The following CAPN2 variants were observed in gnomAD, a reference collection of about 807,000 sequenced individuals.
CAPN2 encodes the protein calpain-2 catalytic subunit.
Under a neutral mutation model 102.3 loss-of-function variants are expected in CAPN2, and 92 were observed. That is an observed-to-expected ratio of 0.90 (90% CI 0.76 to 1.07). The LOEUF is 1.07. Ranked by LOEUF, CAPN2 falls within the 50% of genes least tolerant of loss-of-function variation. The pLI is 0.00. For missense variants in CAPN2, 800 were observed against 909.4 expected (o/e 0.88, Z 1.55); for synonymous variants, 340 against 355.4 (o/e 0.96, Z 0.49).
rs2102809085 is a variant in CAPN2 at position 223,759,151 on chromosome 1, C to T, written c.1318-119C>T. The T allele has an allele frequency of 2.1e-6, 2 of 939,750 alleles. No homozygotes were observed. Among genetic ancestry groups the T allele is most frequent in the South Asian group, 2.8e-5 (2 of 71,242 alleles). The allele number at this position is 939,750 out of a possible 1,614,324, so 58.2% of individuals were successfully genotyped here. A position where few individuals can be genotyped will look rare whatever the true frequency, so the allele number is the denominator to read the frequency against. On this transcript the variant is annotated intron_variant, in intron 11 of 20. Coordinates refer to ENST00000295006, the MANE Select transcript of CAPN2 (RefSeq NM_001748.5). This position sits in a 1 kb window ranked among gnomAD's most constrained non-coding sequence, Gnocchi z 4.6. ...ACGCCTGGCCTCGCCTCCTTATACACCAGGACAGCAGGACTGAGCCACCAC... is the reference window on the plus strand; with the variant it reads ...ACGCCTGGCCTCGCCTCCTTATACATCAGGACAGCAGGACTGAGCCACCAC...
chr1:223,743,325 G>A (rs898015842), intron 2 of CAPN2, among the ~76,000 whole-genome samples: 1 of 152,090 alleles, frequency 6.6e-6, no homozygotes, highest in Non-Finnish European at 1.5e-5. Context: ...CTCTGACTCA[G>A]GGCTTTTCCA....
intron 2 of CAPN2, among the ~76,000 whole-genome samples, chr1:223,719,188 A>C (rs1451161230): frequency 6.6e-6 from 1 of 152,208 alleles, no homozygotes; most frequent in Non-Finnish European, 1.5e-5. Flanking sequence ...AGGAAAATCT[A>C]TTCATTAGAG....
intron 2 of CAPN2, among the ~76,000 whole-genome samples, chr1:223,721,268 C>T (rs1359057384): frequency 2.0e-5 from 3 of 152,230 alleles, no homozygotes; most frequent in African/African-American, 7.2e-5. Flanking sequence ...GCTGACCCTG[C>T]AGCTAAATAT....
rs3820480 is a variant in CAPN2 at position 223,759,896 on chromosome 1, A to C, written c.1529+415A>C. ...CCACCAAGGGTGTAAGGTGGGAACCATCTCAACGGTTCCCACCTCCAGAAC... is the reference window on the plus strand; with the variant it reads ...CCACCAAGGGTGTAAGGTGGGAACCCTCTCAACGGTTCCCACCTCCAGAAC... On this transcript the variant is annotated intron_variant, in intron 12 of 20. Coordinates refer to ENST00000295006, the MANE Select transcript of CAPN2 (RefSeq NM_001748.5). The surrounding 1 kb of genome is among the most constrained non-coding windows in gnomAD (Gnocchi z 4.6). Among the ~76,000 whole-genome samples the C allele has an allele frequency of 6.6e-6, 1 of 151,576 alleles. No individual in the cohort carries two copies. The highest frequency in any genetic ancestry group is 1.9e-4 in the East Asian group (1 of 5,130).
intron 2 of CAPN2, among the ~76,000 whole-genome samples, chr1:223,720,365 G>T (rs11581716): frequency 0.11 from 15,231 of 143,982 alleles, 1,166 homozygotes; most frequent in East Asian, 0.2. Context: ...CCCAGGGCTG[G>T]AGTGCACTGG....
At position 223,755,342 on chromosome 1, in the gene CAPN2, TACCATCTCCC is replaced by T. The variant is rs1661005794; in HGVS notation, c.1136-133_1136-124del. ...TCTCCCACCATCCCCCACCACCTCTTACCATCTCCCACCACCTCCCACCATCTCCCTTTAT... is the reference window on the plus strand; with the variant it reads ...TCTCCCACCATCCCCCACCACCTCTTACCACCTCCCACCATCTCCCTTTAT... On this transcript the variant is annotated intron_variant, in intron 9 of 20. Transcript: ENST00000295006. The surrounding 1 kb of genome is among the most constrained non-coding windows in gnomAD (Gnocchi z 4.1). 1 of 774,218 alleles carries T rather than the reference TACCATCTCCC, an allele frequency of 1.3e-6. No individual in the cohort carries two copies. Among genetic ancestry groups the T allele is most frequent in the Non-Finnish European group, 2.1e-6 (1 of 473,622 alleles). 48.0% of individuals were successfully genotyped at this position (774,218 alleles called of 1,614,324 possible). A position where few individuals can be genotyped will look rare whatever the true frequency, so the allele number is the denominator to read the frequency against.
rs2102806923 is a variant in CAPN2, at chr1:223,756,458, T to A, written c.1305+809T>A. Reference sequence around the variant, plus strand: ...GCCCATCTCTTTTCTCTGACCCATGTCTGCTGAGGTCCTTCAGCAGCCTGA... The same window carrying A: ...GCCCATCTCTTTTCTCTGACCCATGACTGCTGAGGTCCTTCAGCAGCCTGA... On this transcript the variant is annotated intron_variant, in intron 10 of 20. Transcript: ENST00000295006. This position sits in a 1 kb window ranked among gnomAD's most constrained non-coding sequence, Gnocchi z 4.1. Among the ~76,000 whole-genome samples, 1 of 152,344 alleles carries A rather than the reference T, an allele frequency of 6.6e-6. No homozygotes were observed. Among genetic ancestry groups the A allele is most frequent in the Non-Finnish European group, 1.5e-5 (1 of 68,032 alleles).
chr1:223,718,129 A>C (rs1056897378), intron 2 of CAPN2, among the ~76,000 whole-genome samples: 13 of 152,106 alleles, frequency 8.5e-5, no homozygotes, highest in Non-Finnish European at 8.8e-5. Context: ...CTTGGTATGC[A>C]CCTCCTGGAG....
chr1:223,732,760 C>A (rs1364272115), intron 2 of CAPN2, among the ~76,000 whole-genome samples: 1 of 152,138 alleles, frequency 6.6e-6, no homozygotes, highest in Non-Finnish European at 1.5e-5. Flanking sequence ...GACACATGTT[C>A]AGAAATAATG....
chr1:223,721,308 T>A (rs1558061069), intron 2 of CAPN2, among the ~76,000 whole-genome samples: 1 of 152,160 alleles, frequency 6.6e-6, no homozygotes, highest in Non-Finnish European at 1.5e-5. Context: ...AATAACCACA[T>A]TCTTACAGGT....
intron 1 of CAPN2, among the ~76,000 whole-genome samples, chr1:223,716,430 C>T (rs986856065): frequency 6.6e-6 from 1 of 152,144 alleles, no homozygotes; most frequent in African/African-American, 2.4e-5. Flanking sequence ...CTTCCTTTGC[C>T]TCAGCAGAAG....
rs28370147 is a variant in CAPN2, at chr1:223,766,196, A to C, written c.1691-171A>C. Among the ~76,000 whole-genome samples the C allele has an allele frequency of 2.2e-4, 34 of 152,332 alleles. No homozygotes were observed. The South Asian group carries it at 6.6e-3, about 30-fold the overall frequency. Reference sequence around the variant, plus strand: ...GAGACATCAGGACAATGTGGACATCATCTGCACTGTCCCAGTCTGGTAGTC... The same window carrying C: ...GAGACATCAGGACAATGTGGACATCCTCTGCACTGTCCCAGTCTGGTAGTC... On this transcript the variant is annotated intron_variant, in intron 15 of 20. Coordinates refer to ENST00000295006, the MANE Select transcript of CAPN2 (RefSeq NM_001748.5).
chr1:223,730,943 A>G (rs1352898278), intron 2 of CAPN2, among the ~76,000 whole-genome samples: 1 of 152,236 alleles, frequency 6.6e-6, no homozygotes. Flanking sequence ...GTATACTTGT[A>G]TCTAATCCAC....
chr1:223,745,977 T>G (rs2102797903), intron 4 of CAPN2, among the ~76,000 whole-genome samples: 1 of 152,362 alleles, frequency 6.6e-6, no homozygotes. Flanking sequence ...TCCGCACAGC[T>G]GCTTCCCACC....
intron 2 of CAPN2, among the ~76,000 whole-genome samples, chr1:223,735,057 G>A (rs751700994): frequency 7.2e-5 from 11 of 152,136 alleles, no homozygotes; most frequent in Admixed American, 1.3e-4. Context: ...TGGGGTTCCA[G>A]GTCTCTAAAG....
At chr1:223,710,049 C>T (rs11805018), upstream of CAPN2, among the ~76,000 whole-genome samples, 3,167 of 152,080 alleles carry the variant, frequency 0.021, 42 homozygotes, top group Non-Finnish European at 0.034. Flanking sequence ...CTGAGGCAGG[C>T]GGATCACCTG....
upstream of CAPN2, among the ~76,000 whole-genome samples, chr1:223,709,344 A>G (rs1659680042): frequency 6.6e-6 from 1 of 152,244 alleles, no homozygotes; most frequent in African/African-American, 2.4e-5. Flanking sequence ...CTCTCATATT[A>G]GTATAAAATA....
intron 1 of CAPN2, among the ~76,000 whole-genome samples, chr1:223,713,592 G>A (rs1263302755): frequency 6.6e-6 from 1 of 152,130 alleles, no homozygotes; most frequent in Non-Finnish European, 1.5e-5. Flanking sequence ...CAATCTACTT[G>A]TCCATTCTGT....
intron 2 of CAPN2, among the ~76,000 whole-genome samples, chr1:223,734,531 G>A (rs541567543): frequency 8.9e-4 from 136 of 152,098 alleles, no homozygotes; most frequent in Non-Finnish European, 1.5e-3. Context: ...GGCTCAAGAC[G>A]GTGAGACAGA....
Sources: allele counts gnomAD v4.1 joint callset (sites outside exome capture counted in the v4.1 genomes callset), GRCh38; gene constraint gnomAD v4.1.1; non-coding constraint Gnocchi (gnomAD v3.1); transcripts MANE v1.5; gene names NCBI Gene and HGNC (gene_info 2026-07-23, HGNC 2026-07-21).